Variants in FIZ1 observed in about 807,000 individuals in gnomAD.
The protein encoded by FIZ1 is flt3-interacting zinc finger protein 1.
Under a neutral mutation model 5.3 loss-of-function variants are expected in FIZ1, and 2 were observed. That is an observed-to-expected ratio of 0.37 (90% CI 0.15 to 1.18). The LOEUF (loss-of-function observed/expected upper bound fraction) is 1.18, where lower values mean the gene tolerates loss of function less well. FIZ1 is among the 50% of genes most tolerant of loss of function. The pLI is 0.37. For synonymous variants in FIZ1, 407 were observed against 364.2 expected (o/e 1.12, Z -1.34); for missense variants, 631 against 749.7 (o/e 0.84, Z 1.85).
intron 2 of FIZ1, among the ~76,000 whole-genome samples, chr19:55,594,382 G>C (rs1189924514): frequency 7.2e-6 from 1 of 139,468 alleles, no homozygotes; most frequent in African/African-American, 2.7e-5. Context: ...CTGGGTGACA[G>C]AGCGAGACTC....
Position 55,593,170 on chromosome 19 carries a change from C to T in FIZ1, c.771G>A (p.Ala257=), listed in dbSNP as rs1460402094. 3.5e-6 allele frequency: 4 copies of T among 1,157,220 alleles called. No individual in the cohort carries two copies. Among genetic ancestry groups the T allele is most frequent in the Non-Finnish European group, 4.3e-6 (4 of 936,046 alleles). The allele number at this position is 1,157,220 out of a possible 1,614,324, so 71.7% of individuals were successfully genotyped here. Reference sequence around the variant, plus strand: ...CCGCGGCCCAGGCCTGCGCTGGGGGCGCGCCCGGGCCCTGCAGGTCGTGCG... The same window carrying T: ...CCGCGGCCCAGGCCTGCGCTGGGGGTGCGCCCGGGCCCTGCAGGTCGTGCG... ...KLTHDLQGPG[A]PPAQAWAAGP... is the part of the protein sequence containing the mutation. The change falls in exon 3 of 3, where the codon GCG becomes GCA. Residue 257 remains alanine, a synonymous_variant. Transcript: ENST00000221665. This position sits in a 1 kb window ranked among gnomAD's most constrained non-coding sequence, Gnocchi z 6.3.
Position 55,597,607 on chromosome 19 carries a change from C to T in FIZ1, c.259G>A (p.Gly87Arg). 1.9e-6 allele frequency: 3 copies of T among 1,613,084 alleles called. No individual in the cohort carries two copies. Among genetic ancestry groups the T allele is most frequent in the Non-Finnish European group, 2.5e-6 (3 of 1,179,782 alleles). ...AGCAGGCCGGTGGAGTCGCGGAACC[C>T]CTTGGGGCAGGCAGAGCAGCGGTAG... ...RPYRCSACPK[G>R]FRDSTGLLHH... Residue 87 changes from glycine to arginine, a missense_variant, in exon 2 of 3, where the codon GGG becomes AGG. By Grantham distance (125) the Gly-to-Arg change is moderately radical. Around this residue, in one of 4 missense-constraint regions of FIZ1, gnomAD observed 68 missense variants for 163.4 expected, o/e 0.42. Transcript: ENST00000221665.
In FIZ1 at chr19:55,593,041, G is replaced by GC. The variant is rs1568515490; in HGVS notation, c.899dup (p.Gly301ArgfsTer83). ...GCAGCCCCCCGAGCTTGGGCACGCC[G>GC]CCCCCCGCGGGGCCCAGGAGCAGCC... On this transcript the variant is annotated frameshift_variant, in exon 3 of 3. Transcript: ENST00000221665. LOFTEE classifies it low-confidence loss of function (END_TRUNC). The surrounding 1 kb of genome is among the most constrained non-coding windows in gnomAD (Gnocchi z 6.3). 5 of 1,402,874 alleles carry GC rather than the reference G, an allele frequency of 3.6e-6. No individual in the cohort carries two copies. The highest frequency in any genetic ancestry group is 3.3e-5 in the Admixed American group (1 of 30,064). The allele number at this position is 1,402,874 out of a possible 1,614,324, so 86.9% of individuals were successfully genotyped here. A position where few individuals can be genotyped will look rare whatever the true frequency, so the allele number is the denominator to read the frequency against.
chr19:55,598,150 T>G (rs1980426303), intron 1 of FIZ1: 4 of 499,558 alleles, frequency 8.0e-6, no homozygotes, highest in African/African-American at 7.6e-5. Flanking sequence ...TTTTTAAGCC[T>G]CTCCTCGCTC....
At chr19:55,599,355 T>TCGGGCAGGC (rs1980514532) in intron 1 of FIZ1, 119 bp downstream of exon 1, 1 of 152,222 alleles carries the variant, frequency 6.6e-6, no homozygotes. Context: ...GGGGGGCAGG[T>TCGGGCAGGC]CGGGCAGGCC....
rs979094447 is a variant in FIZ1, at chr19:55,592,356, G to A, written c.*94C>T. The A allele has an allele frequency of 1.6e-6, 2 of 1,242,946 alleles. No individual in the cohort carries two copies. Among genetic ancestry groups the A allele is most frequent in the Non-Finnish European group, 2.2e-6 (2 of 922,796 alleles). 77.0% of individuals were successfully genotyped at this position (1,242,946 alleles called of 1,614,324 possible). On this transcript the variant is annotated 3_prime_UTR_variant, in exon 3 of 3. Coordinates refer to ENST00000221665, the MANE Select transcript of FIZ1 (RefSeq NM_032836.3). This position sits in a 1 kb window ranked among gnomAD's most constrained non-coding sequence, Gnocchi z 6.9. ...AGGGCCTGCGTCTGGATTTGGATTT[G>A]GAGGGCCGGGGCCTCACGCGCAGTC...
At chr19:55,594,008 A>G (rs1645244315) in intron 2 of FIZ1, among the ~76,000 whole-genome samples, 2 of 152,070 alleles carry the variant, frequency 1.3e-5, no homozygotes, top group South Asian at 4.1e-4. Flanking sequence ...TGGGAGGCTG[A>G]GCCAAGAAGT....
intron 2 of FIZ1, among the ~76,000 whole-genome samples, chr19:55,596,882 A>G (rs1258637757): frequency 1.3e-5 from 2 of 152,196 alleles, no homozygotes; most frequent in Non-Finnish European, 2.9e-5. Flanking sequence ...CATGTTGTCC[A>G]GGATGGTCTC....
chr19:55,599,422 G>A (rs1027407329), intron 1 of FIZ1, 52 bp downstream of exon 1: 2 of 152,280 alleles, frequency 1.3e-5, no homozygotes, highest in Non-Finnish European at 2.9e-5. Context: ...GAGACCCGGG[G>A]CGGCCCCGGG....
In FIZ1 at chr19:55,593,322, G is replaced by A; in HGVS notation, c.619C>T (p.Arg207Trp). 1 of 1,271,630 alleles carries A rather than the reference G, an allele frequency of 7.9e-7. No homozygotes were observed. Among genetic ancestry groups the A allele is most frequent in the Non-Finnish European group, 9.9e-7 (1 of 1,008,364 alleles). The allele number at this position is 1,271,630 out of a possible 1,614,324, so 78.8% of individuals were successfully genotyped here. Residue 207 changes from arginine to tryptophan, a missense_variant, in exon 3 of 3, where the codon CGG becomes TGG. Around this residue, in one of 4 missense-constraint regions of FIZ1, gnomAD observed 463 missense variants for 455.1 expected, o/e 1.02. Transcript: ENST00000221665. The surrounding 1 kb of genome is among the most constrained non-coding windows in gnomAD (Gnocchi z 6.3). ...AGCTCGCGGCCGTGGTCGAAGCGCC[G>A]CGCGCAGGCGCCGCACGCAAATGGG... is the stretch of plus-strand genomic sequence containing the variant. ...LPPFACGACA[R>W]RFDHGRELAA...
intron 2 of FIZ1, among the ~76,000 whole-genome samples, chr19:55,596,281 C>T (rs1489678047): frequency 6.6e-6 from 1 of 152,064 alleles, no homozygotes; most frequent in South Asian, 2.1e-4. Flanking sequence ...CCGGGGCCAA[C>T]ATTCAGGATG....
chr19:55,599,065 T>G (rs1407981995), intron 1 of FIZ1: 1 of 152,406 alleles, frequency 6.6e-6, no homozygotes, highest in East Asian at 1.9e-4. Context: ...CCACGCCCCT[T>G]TATCAAACCC....
At position 55,593,301 on chromosome 19, in the gene FIZ1, C is replaced by G. The variant is rs1980138820; in HGVS notation, c.640G>C (p.Glu214Gln). Reference sequence around the variant, plus strand: ...TGCGCCGCCCAGTGGGCCGCCAGCTCGCGGCCGTGGTCGAAGCGCCGCGCG... The same window carrying G: ...TGCGCCGCCCAGTGGGCCGCCAGCTGGCGGCCGTGGTCGAAGCGCCGCGCG... The part of the protein sequence containing the change: ...ACARRFDHGR[E>Q]LAAHWAAHTD... Residue 214 changes from glutamate to glutamine, a missense_variant, in exon 3 of 3, where the codon GAG becomes CAG. By Grantham distance (29) the Glu-to-Gln change is conservative. Coordinates refer to ENST00000221665, the MANE Select transcript of FIZ1 (RefSeq NM_032836.3). The surrounding 1 kb of genome is among the most constrained non-coding windows in gnomAD (Gnocchi z 6.3). 8.0e-7 allele frequency: 1 copy of G among 1,255,976 alleles called. No homozygotes were observed. Among genetic ancestry groups the G allele is most frequent in the African/African-American group, 1.6e-5 (1 of 62,374 alleles). The allele number at this position is 1,255,976 out of a possible 1,614,324, so 77.8% of individuals were successfully genotyped here. A position where few individuals can be genotyped will look rare whatever the true frequency, so the allele number is the denominator to read the frequency against.
chr19:55,597,803 G>C lies in FIZ1; in HGVS notation c.63C>G (p.Val21=), dbSNP rs761992458. ...TGCCACATTCACTGCAGTGAAACGG[G>C]ACCCTGGGGGCGGCAGCGGCGGGCG... ...PAPPAAAAPR[V]PFHCSECGKS... The change falls in exon 2 of 3, where the codon GTC becomes GTG. Residue 21 remains valine, a synonymous_variant. Coordinates refer to ENST00000221665, the MANE Select transcript of FIZ1 (RefSeq NM_032836.3). The C allele has an allele frequency of 6.2e-7, 1 of 1,613,528 alleles. No homozygotes were observed. Among genetic ancestry groups the C allele is most frequent in the South Asian group, 1.1e-5 (1 of 91,060 alleles).
rs1481041600 is a variant in FIZ1, at chr19:55,597,644, G to A, written c.222C>T (p.Thr74=). The part of the protein sequence containing the change: ...FNLANHLRSH[T]GERPYRCSAC... ...CAGAGCAGCGGTAGGGCCGCTCCCC[G>A]GTGTGCGAGCGCAGGTGGTTGGCTA... Residue 74 remains threonine, a synonymous_variant, in exon 2 of 3, where the codon ACC becomes ACT. Transcript: ENST00000221665. 3 of 1,613,714 alleles carry A rather than the reference G, an allele frequency of 1.9e-6. No individual in the cohort carries two copies. The South Asian group carries it at 3.3e-5, about 18-fold the overall frequency.
rs1310294396 is a variant in FIZ1 at position 55,592,463 on chromosome 19, C to T, written c.1478G>A (p.Arg493Gln). The T allele has an allele frequency of 1.3e-6, 2 of 1,572,076 alleles. No homozygotes were observed. The highest frequency in any genetic ancestry group is 1.7e-6 in the Non-Finnish European group (2 of 1,158,914). ...GCAGCCTGGCAGTCAGTCCATGCCC[C>T]GGTGCAGCTTCAGGTGCCTGGAGAG... ...SNLSRHLKLHRGMD is the reference protein window; with the variant it reads ...SNLSRHLKLHQGMD Residue 493 changes from arginine to glutamine, a missense_variant, in exon 3 of 3, where the codon CGG becomes CAG. Arg to Gln is a conservative substitution (Grantham distance 43, BLOSUM62 1). Coordinates refer to ENST00000221665, the MANE Select transcript of FIZ1 (RefSeq NM_032836.3). This position sits in a 1 kb window ranked among gnomAD's most constrained non-coding sequence, Gnocchi z 6.9.
rs1318800423 is a variant in FIZ1 at position 55,592,342 on chromosome 19, CTGGATT to C, written c.*102_*107del. On this transcript the variant is annotated 3_prime_UTR_variant, in exon 3 of 3. Coordinates refer to ENST00000221665, the MANE Select transcript of FIZ1 (RefSeq NM_032836.3). The surrounding 1 kb of genome is among the most constrained non-coding windows in gnomAD (Gnocchi z 6.9). Reference sequence around the variant, plus strand: ...GGTCCCCTCATTTCAGGGCCTGCGTCTGGATTTGGATTTGGAGGGCCGGGGCCTCAC... The same window carrying C: ...GGTCCCCTCATTTCAGGGCCTGCGTCTGGATTTGGAGGGCCGGGGCCTCAC... 6 of 1,165,020 alleles carry C rather than the reference CTGGATT, an allele frequency of 5.2e-6. No homozygotes were observed. In the East Asian group the frequency reaches 1.1e-4, roughly 21 times the overall value. The allele number at this position is 1,165,020 out of a possible 1,614,324, so 72.2% of individuals were successfully genotyped here. A position where few individuals can be genotyped will look rare whatever the true frequency, so the allele number is the denominator to read the frequency against.
chr19:55,594,957 C>A (rs1980253350), intron 2 of FIZ1, among the ~76,000 whole-genome samples: 1 of 152,188 alleles, frequency 6.6e-6, no homozygotes, highest in Non-Finnish European at 1.5e-5. Flanking sequence ...TCCAGGGAAT[C>A]ACTTCCAAGT....
intron 1 of FIZ1, chr19:55,598,730 A>T (rs1387421987): frequency 6.6e-6 from 1 of 152,084 alleles, no homozygotes; most frequent in Admixed American, 6.6e-5. Flanking sequence ...TTTTCCTTTA[A>T]AGAAGCCACA....
Sources: gnomAD v4.1 joint callset for allele counts (sites outside exome capture counted in the v4.1 genomes callset) on GRCh38, gnomAD v4.1.1 for gene constraint, gnomAD v4.1.1 regional missense constraint, Gnocchi (gnomAD v3.1) non-coding constraint, MANE v1.5 for transcripts, NCBI Gene and HGNC (gene_info 2026-07-23, HGNC 2026-07-21) for gene names.